Variants in PDZRN4 observed in about 807,000 individuals in gnomAD.
PDZRN4 encodes the protein PDZ domain-containing RING finger protein 4.
In PDZRN4, 70 loss-of-function variants were observed where a neutral mutation model predicts 99.0. The ratio of observed to expected loss-of-function variants is 0.71; its 90% CI spans 0.58 to 0.86. The LOEUF (loss-of-function observed/expected upper bound fraction) is 0.86. Among genes scored for constraint, PDZRN4 ranks in the 40% least tolerant of loss-of-function variants. The pLI is 0.00. For synonymous variants in PDZRN4, 551 were observed against 501.6 expected (o/e 1.10, Z -1.32); for missense variants, 1,474 against 1,331.2 (o/e 1.11, Z -1.67).
intron 3 of PDZRN4, among the ~76,000 whole-genome samples, chr12:41,399,089 G>A (rs1248886780): frequency 6.6e-6 from 1 of 151,788 alleles, no homozygotes; most frequent in African/African-American, 2.4e-5. Flanking sequence ...AAACTAGAAA[G>A]GTCTAAAAAT....
chr12:41,525,539 C>G (rs564539464), intron 5 of PDZRN4, among the ~76,000 whole-genome samples: 2 of 151,954 alleles, frequency 1.3e-5, no homozygotes, highest in Non-Finnish European at 1.5e-5. Flanking sequence ...TAAGTATATG[C>G]CACATATACA....
chr12:41,312,929 C>A lies in PDZRN4; in HGVS notation c.843+118741C>A, dbSNP rs946000171. ...CAGTGTCCGTTATGGCCAAATCGCA[C>A]TGCCCTTCTTAGTGTTATGCCCAGA... On this transcript the variant is annotated intron_variant, in intron 3 of 9. Coordinates refer to ENST00000402685, the MANE Select transcript of PDZRN4 (RefSeq NM_001164595.2). Among the ~76,000 whole-genome samples, 3 of 152,176 alleles carry A rather than the reference C, an allele frequency of 2.0e-5. No individual in the cohort carries two copies. The South Asian group carries it at 6.2e-4, about 31-fold the overall frequency.
intron 3 of PDZRN4, among the ~76,000 whole-genome samples, chr12:41,465,367 G>A (rs2250009): frequency 0.54 from 81,588 of 152,026 alleles, 22,871 homozygotes; most frequent in African/African-American, 0.72. Flanking sequence ...TTCACTTGTA[G>A]TTGCTTCACA....
rs117262366 is a variant in PDZRN4 at position 41,504,756 on chromosome 12, A to G, written c.844-1700A>G. Among the ~76,000 whole-genome samples the G allele has an allele frequency of 9.1e-3, 1,393 of 152,276 alleles. 16 individuals are homozygous for G. Among genetic ancestry groups the G allele is most frequent in the Middle Eastern group, 0.037 (11 of 294 alleles). On this transcript the variant is annotated intron_variant, in intron 3 of 9. Coordinates refer to ENST00000402685, the MANE Select transcript of PDZRN4 (RefSeq NM_001164595.2). The stretch of plus-strand genomic sequence containing the variant: ...AAGTCAGATATTCCAAGGTGTATCA[A>G]TGAAAACTCAGTGATAATTTTTCAA...
At chr12:41,515,870 G>A (rs747623765) in intron 5 of PDZRN4, among the ~76,000 whole-genome samples, 62 of 151,758 alleles carry the variant, frequency 4.1e-4, no homozygotes, top group Non-Finnish European at 3.2e-4. Context: ...TTATCATCTT[G>A]TATGACTCTG....
At chr12:41,322,425 A>G (rs1951684842) in intron 3 of PDZRN4, among the ~76,000 whole-genome samples, 1 of 150,574 alleles carries the variant, frequency 6.6e-6, no homozygotes, top group Admixed American at 6.6e-5. Flanking sequence ...ATCTCATTTT[A>G]TACAATGAGT....
intron 3 of PDZRN4, among the ~76,000 whole-genome samples, chr12:41,318,810 T>G (rs1263523648): frequency 6.6e-6 from 1 of 152,170 alleles, no homozygotes; most frequent in Non-Finnish European, 1.5e-5. Flanking sequence ...CTGTTCTGAC[T>G]CTTTCACTTA....
intron 3 of PDZRN4, among the ~76,000 whole-genome samples, chr12:41,408,368 A>G (rs1017680205): frequency 2.0e-5 from 3 of 152,206 alleles, no homozygotes; most frequent in Non-Finnish European, 4.4e-5. Context: ...ACAGGTTTTT[A>G]TTTTAAGCTG....
At chr12:41,296,772 C>A (rs1224202555) in intron 3 of PDZRN4, among the ~76,000 whole-genome samples, 1 of 152,078 alleles carries the variant, frequency 6.6e-6, no homozygotes, top group African/African-American at 2.4e-5. Context: ...CCAGCCTGGG[C>A]AACATGGCAA....
chr12:41,355,248 G>T (rs997082627), intron 3 of PDZRN4, among the ~76,000 whole-genome samples: 2 of 152,054 alleles, frequency 1.3e-5, no homozygotes, highest in African/African-American at 4.8e-5. Context: ...AGCAGAAGTT[G>T]AGAACAGTTG....
chr12:41,534,307 C>T (rs920906631), intron 5 of PDZRN4, among the ~76,000 whole-genome samples: 3 of 151,458 alleles, frequency 2.0e-5, no homozygotes, highest in Non-Finnish European at 4.4e-5. Context: ...TTTTAAGTTC[C>T]GGGGTACAAG....
intron 3 of PDZRN4, among the ~76,000 whole-genome samples, chr12:41,206,628 T>C (rs897181114): frequency 1.3e-5 from 2 of 151,716 alleles, no homozygotes; most frequent in African/African-American, 4.8e-5. Context: ...CAGCAGGCAC[T>C]CAGCTATTTA....
chr12:41,301,778 C>T (rs1405556), intron 3 of PDZRN4, among the ~76,000 whole-genome samples: 120,485 of 151,868 alleles, frequency 0.79, 48,947 homozygotes, highest in Non-Finnish European at 0.91. Flanking sequence ...CACCAAAATA[C>T]GGATGGAAAG....
At chr12:41,559,451 C>G (rs1939227153) in intron 7 of PDZRN4, among the ~76,000 whole-genome samples, 3 of 152,088 alleles carry the variant, frequency 2.0e-5, no homozygotes, top group Admixed American at 2.0e-4. Context: ...ATTTCTGAAT[C>G]AGATAACAAG....
intron 3 of PDZRN4, among the ~76,000 whole-genome samples, chr12:41,438,510 T>C (rs1324272134): frequency 1.3e-5 from 2 of 152,172 alleles, no homozygotes; most frequent in African/African-American, 4.8e-5. Context: ...CCTAGTAATT[T>C]TGTATTACAT....
chr12:41,216,298 A>G (rs1950920460), intron 3 of PDZRN4, among the ~76,000 whole-genome samples: 1 of 151,984 alleles, frequency 6.6e-6, no homozygotes, highest in South Asian at 2.1e-4. Context: ...TCATTATGCA[A>G]ATTCTTACAT....
intron 3 of PDZRN4, among the ~76,000 whole-genome samples, chr12:41,264,230 CAA>C (rs2120839929): frequency 6.6e-6 from 1 of 152,154 alleles, no homozygotes; most frequent in Admixed American, 6.5e-5. Context: ...TCTCTAATTG[CAA>C]AGACTATCAA....
At chr12:41,356,448 TAAG>T (rs1951927977) in intron 3 of PDZRN4, among the ~76,000 whole-genome samples, 1 of 152,030 alleles carries the variant, frequency 6.6e-6, no homozygotes, top group African/African-American at 2.4e-5. Flanking sequence ...CTGAAGGCCT[TAAG>T]AAGGAGTGTA....
intron 7 of PDZRN4, among the ~76,000 whole-genome samples, chr12:41,562,891 A>G (rs1219035515): frequency 6.6e-6 from 1 of 152,116 alleles, no homozygotes; most frequent in African/African-American, 2.4e-5. Context: ...AATTTAAGAG[A>G]TGAGTCTGAA....
Sources: gnomAD v4.1 joint callset for allele counts (sites outside exome capture counted in the v4.1 genomes callset) on GRCh38, gnomAD v4.1.1 for gene constraint, MANE v1.5 for transcripts, NCBI Gene and HGNC (gene_info 2026-07-23, HGNC 2026-07-21) for gene names.